Variants in DLG2 observed in about 807,000 individuals in gnomAD.
DLG2 encodes the protein discs large MAGUK scaffold protein 2, also known as disks large homolog 2.
A neutral mutation model predicts 132.5 loss-of-function variants in DLG2; 45 were observed. The ratio of observed to expected loss-of-function variants is 0.34; its 90% confidence interval spans 0.27 to 0.44. DLG2 has a LOEUF of 0.44. DLG2 is among the 20% of genes least tolerant of loss of function. The pLI is 1.00. For synonymous variants in DLG2, 424 were observed against 419.6 expected (o/e 1.01, Z -0.13); for missense variants, 1,045 against 1,196.9 (o/e 0.87, Z 1.87).
chr11:85,546,508 C>G (rs2076333176), intron 3 of DLG2, among the ~76,000 whole-genome samples: 1 of 152,120 alleles, frequency 6.6e-6, no homozygotes, highest in African/African-American at 2.4e-5. Flanking sequence ...TCTATTAGGT[C>G]TGCTTGGTCC....
chr11:85,135,856 A>T (rs1009349186), intron 5 of DLG2, among the ~76,000 whole-genome samples: 1 of 152,206 alleles, frequency 6.6e-6, no homozygotes, highest in African/African-American at 2.4e-5. Flanking sequence ...CCCACAAGAG[A>T]ATAAAAAACT....
chr11:84,033,353 G>A lies in DLG2; in HGVS notation c.919+25962C>T, dbSNP rs564790939. ...TGACTTTGAAGAATTCAAGACTTTG[G>A]TGGAGAAGTAACTGCAGATGTAGTG... On this transcript the variant is annotated intron_variant, in intron 11 of 27. Transcript: ENST00000376104. Among the ~76,000 whole-genome samples, 76 of 152,266 alleles carry A rather than the reference G, an allele frequency of 5.0e-4. No homozygotes were observed. In the South Asian group the frequency reaches 0.013, roughly 26 times the overall value.
At chr11:84,588,228 C>A (rs1344159878) in intron 6 of DLG2, among the ~76,000 whole-genome samples, 1 of 152,182 alleles carries the variant, frequency 6.6e-6, no homozygotes, top group Non-Finnish European at 1.5e-5. Flanking sequence ...TAAGAAGATG[C>A]AGTTTGACTC....
chr11:85,007,988 A>G (rs138960763), intron 6 of DLG2, among the ~76,000 whole-genome samples: 247 of 152,322 alleles, frequency 1.6e-3, no homozygotes, highest in African/African-American at 5.7e-3. Flanking sequence ...ACCAAGTATT[A>G]CAGAACAGTC....
At chr11:85,271,425 C>T (rs1022799752) in intron 4 of DLG2, among the ~76,000 whole-genome samples, 5 of 152,308 alleles carry the variant, frequency 3.3e-5, no homozygotes, top group Middle Eastern at 3.4e-3. Context: ...GGGTGGGTGC[C>T]CCCACACAGA....
intron 4 of DLG2, among the ~76,000 whole-genome samples, chr11:85,157,362 T>C (rs915258967): frequency 6.6e-6 from 1 of 152,180 alleles, no homozygotes; most frequent in Admixed American, 6.5e-5. Flanking sequence ...CTGCTTAACA[T>C]GATTCGACCC....
intron 10 of DLG2, among the ~76,000 whole-genome samples, chr11:84,087,643 C>A (rs892268321): frequency 2.0e-5 from 3 of 152,046 alleles, no homozygotes; most frequent in African/African-American, 4.8e-5. Flanking sequence ...CCAATATAAT[C>A]ACAGGAGTCC....
At chr11:83,864,450 A>T (rs1346371857) in intron 16 of DLG2, among the ~76,000 whole-genome samples, 1 of 152,198 alleles carries the variant, frequency 6.6e-6, no homozygotes, top group Non-Finnish European at 1.5e-5. Context: ...TAATCAATCA[A>T]ATCAATGACT....
chr11:83,499,887 A>C (rs563874333), intron 21 of DLG2, among the ~76,000 whole-genome samples: 8 of 100,398 alleles, frequency 8.0e-5, no homozygotes, highest in African/African-American at 2.2e-4. Flanking sequence ...ATATATATAT[A>C]TATATATATA....
intron 7 of DLG2, among the ~76,000 whole-genome samples, chr11:84,447,359 A>G (rs1411213940): frequency 6.6e-6 from 1 of 152,206 alleles, no homozygotes. Flanking sequence ...TTTAAGGAAG[A>G]CAAAATCACA....
At chr11:84,842,857 G>C (rs2080882894) in intron 6 of DLG2, among the ~76,000 whole-genome samples, 1 of 151,664 alleles carries the variant, frequency 6.6e-6, no homozygotes, top group Non-Finnish European at 1.5e-5. Flanking sequence ...CTCTTTCTTG[G>C]TATATTTTAC....
chr11:85,460,119 A>T (rs1597506077), intron 3 of DLG2, among the ~76,000 whole-genome samples: 1 of 152,202 alleles, frequency 6.6e-6, no homozygotes, highest in Non-Finnish European at 1.5e-5. Flanking sequence ...GACCCAGACC[A>T]CTGGGCCTCA....
intron 6 of DLG2, among the ~76,000 whole-genome samples, chr11:84,945,174 C>G (rs2050039980): frequency 6.6e-6 from 1 of 152,150 alleles, no homozygotes. Flanking sequence ...TGTACACATC[C>G]TTCTTGGGAA....
intron 9 of DLG2, among the ~76,000 whole-genome samples, chr11:84,106,615 C>A (rs2092930951): frequency 6.6e-6 from 1 of 152,062 alleles, no homozygotes. Flanking sequence ...TTTCTGGAAG[C>A]TGCTGGGTAG....
At chr11:83,999,743 G>T (rs778568197) in intron 11 of DLG2, among the ~76,000 whole-genome samples, 1 of 152,080 alleles carries the variant, frequency 6.6e-6, no homozygotes. Context: ...GGAAATCACA[G>T]ATGCAAATAA....
intron 7 of DLG2, among the ~76,000 whole-genome samples, chr11:84,259,263 GAAA>G (rs397968137): frequency 4.1e-5 from 4 of 97,294 alleles, no homozygotes; most frequent in African/African-American, 3.9e-5. Context: ...ACTGTGTCTC[GAAA>G]AAAAAAAAAA....
chr11:85,488,717 A>T (rs1023617270), intron 3 of DLG2, among the ~76,000 whole-genome samples: 1 of 152,218 alleles, frequency 6.6e-6, no homozygotes, highest in African/African-American at 2.4e-5. Flanking sequence ...AAGTGCTGAA[A>T]GAAAACAACT....
intron 6 of DLG2, among the ~76,000 whole-genome samples, chr11:84,641,190 C>T (rs1411268937): frequency 6.6e-6 from 1 of 152,128 alleles, no homozygotes; most frequent in Non-Finnish European, 1.5e-5. Context: ...GCTTCTGCCA[C>T]ACAGCTGCAT....
intron 6 of DLG2, among the ~76,000 whole-genome samples, chr11:84,905,905 T>G (rs963903524): frequency 7.2e-5 from 11 of 152,206 alleles, no homozygotes; most frequent in African/African-American, 2.7e-4. Flanking sequence ...GTTTAACATG[T>G]TCCTAAAATT....
Sources: allele counts gnomAD v4.1 joint callset (sites outside exome capture counted in the v4.1 genomes callset), GRCh38; gene constraint gnomAD v4.1.1; transcripts MANE v1.5; gene names NCBI Gene and HGNC (gene_info 2026-07-23, HGNC 2026-07-21).